TRHDE: variants seen among roughly 807,000 people sequenced by gnomAD.
The protein encoded by TRHDE is thyrotropin releasing hormone degrading enzyme, also known as thyrotropin-releasing hormone-degrading ectoenzyme.
TRHDE carries 72 observed loss-of-function variants against 125.7 expected under a neutral mutation model. The observed-to-expected ratio is 0.57, with a 90% CI of 0.47 to 0.70. The LOEUF is 0.70. TRHDE is among the 30% of genes least tolerant of loss of function. The pLI is 0.00. For synonymous variants in TRHDE, 509 were observed against 509.1 expected, an observed-to-expected ratio of 1.00 and a Z score of 0.00; for missense variants, 1,110 against 1,327.1, an observed-to-expected ratio of 0.84 and a Z score of 2.54.
chr12:72,502,094 A>AT (rs1878179991), intron 6 of TRHDE, among the ~76,000 whole-genome samples: 1 of 151,978 alleles, frequency 6.6e-6, no homozygotes. Flanking sequence ...ACATTTATAA[A>AT]TTTTATTGAT....
At chr12:72,572,444 T>C (rs1211148882) in intron 10 of TRHDE, among the ~76,000 whole-genome samples, 1 of 152,144 alleles carries the variant, frequency 6.6e-6, no homozygotes, top group Admixed American at 6.6e-5. Flanking sequence ...ATGGTACTCA[T>C]CAAATACCAT....
At chr12:72,362,287 T>A (rs1871132458) in intron 2 of TRHDE, among the ~76,000 whole-genome samples, 1 of 150,708 alleles carries the variant, frequency 6.6e-6, no homozygotes, top group African/African-American at 2.4e-5. Flanking sequence ...TCATTGTGGT[T>A]TTCATTCGCA....
chr12:72,606,953 A>G (rs1872469734), intron 12 of TRHDE, among the ~76,000 whole-genome samples: 1 of 152,190 alleles, frequency 6.6e-6, no homozygotes, highest in Admixed American at 6.5e-5. Flanking sequence ...TCCCTTTAAT[A>G]ATATCAACTA....
intron 2 of TRHDE, among the ~76,000 whole-genome samples, chr12:72,368,502 C>T (rs993617975): frequency 2.6e-5 from 4 of 152,086 alleles, no homozygotes; most frequent in African/African-American, 9.7e-5. Flanking sequence ...CGCTGAGTCA[C>T]CATCTCTTTA....
intron 2 of TRHDE, among the ~76,000 whole-genome samples, chr12:72,225,635 A>G (rs528025093): frequency 1.3e-3 from 202 of 152,206 alleles, no homozygotes; most frequent in Non-Finnish European, 1.9e-3. Flanking sequence ...TAATACGTGA[A>G]AGGTCAACTG....
intron 1 of TRHDE, among the ~76,000 whole-genome samples, chr12:72,100,739 T>A (rs542921141): frequency 6.6e-6 from 1 of 152,302 alleles, no homozygotes; most frequent in African/African-American, 2.4e-5. Flanking sequence ...CAAGACATAT[T>A]TGTGATCAGG....
At chr12:72,417,993 C>T (rs1873801284) in intron 3 of TRHDE, among the ~76,000 whole-genome samples, 1 of 151,804 alleles carries the variant, frequency 6.6e-6, no homozygotes, top group South Asian at 2.1e-4. Flanking sequence ...TTCAGATGTC[C>T]CAACTATTAT....
chr12:72,455,186 A>C (rs1345558135), intron 3 of TRHDE, among the ~76,000 whole-genome samples: 1 of 152,176 alleles, frequency 6.6e-6, no homozygotes, highest in Non-Finnish European at 1.5e-5. Flanking sequence ...AATATTTCTG[A>C]TATTTCCAAG....
intron 7 of TRHDE, among the ~76,000 whole-genome samples, chr12:72,545,990 C>T (rs540456780): frequency 6.6e-6 from 1 of 151,582 alleles, no homozygotes; most frequent in African/African-American, 2.4e-5. Context: ...GAGCCAACAT[C>T]CTCCTTGATG....
At chr12:72,521,314 T>C (rs1304781624) in intron 6 of TRHDE, among the ~76,000 whole-genome samples, 1 of 152,154 alleles carries the variant, frequency 6.6e-6, no homozygotes, top group Non-Finnish European at 1.5e-5. Context: ...CAATCCCTAT[T>C]TTACCCTATT....
intron 3 of TRHDE, among the ~76,000 whole-genome samples, chr12:72,380,423 T>G (rs886184061): frequency 6.6e-6 from 1 of 152,120 alleles, no homozygotes. Context: ...GGGCATGGGA[T>G]AGGGGCTGAG....
At chr12:72,330,946 T>G (rs1400512599) in intron 2 of TRHDE, among the ~76,000 whole-genome samples, 2 of 152,154 alleles carry the variant, frequency 1.3e-5, no homozygotes, top group African/African-American at 4.8e-5. Flanking sequence ...GGGTGGAGCG[T>G]GAGAATATGC....
chr12:72,646,771 CA>C (rs1285371562), intron 15 of TRHDE, among the ~76,000 whole-genome samples: 1 of 151,884 alleles, frequency 6.6e-6, no homozygotes, highest in African/African-American at 2.4e-5. Context: ...AGTGTCAAAC[CA>C]CTAGAAAGAT....
chr12:72,135,221 C>T (rs1875957598), intron 2 of TRHDE, among the ~76,000 whole-genome samples: 1 of 152,182 alleles, frequency 6.6e-6, no homozygotes, highest in Admixed American at 6.5e-5. Context: ...GACCAGGTCT[C>T]CATAGCCTCT....
At chr12:72,186,048 G>A (rs1007334192) in intron 2 of TRHDE, 4 of 152,368 alleles carry the variant, frequency 2.6e-5, no homozygotes, top group South Asian at 2.1e-4. Flanking sequence ...GGTGGGGCCA[G>A]ATAAGAGAAT....
chr12:72,205,569 T>A (rs1179924573), intron 2 of TRHDE, among the ~76,000 whole-genome samples: 3 of 152,200 alleles, frequency 2.0e-5, no homozygotes, highest in Non-Finnish European at 4.4e-5. Context: ...TCTATGAATT[T>A]GATTACTTTA....
intron 5 of TRHDE, among the ~76,000 whole-genome samples, chr12:72,477,463 C>G (rs770777406): frequency 6.6e-6 from 1 of 152,234 alleles, no homozygotes; most frequent in East Asian, 1.9e-4. Context: ...TCATTAGAAA[C>G]GACCTCCTCA....
intron 15 of TRHDE, among the ~76,000 whole-genome samples, chr12:72,625,538 G>A (rs1482876363): frequency 4.0e-5 from 6 of 151,848 alleles, no homozygotes; most frequent in African/African-American, 1.2e-4. Flanking sequence ...TAATACATGA[G>A]CTTCACTACT....
At chr12:72,206,430 T>G (rs1422102946) in intron 2 of TRHDE, among the ~76,000 whole-genome samples, 1 of 152,204 alleles carries the variant, frequency 6.6e-6, no homozygotes, top group Non-Finnish European at 1.5e-5. Context: ...GGATTTGAGT[T>G]AGTTGTTTAC....
Sources: gnomAD v4.1 joint callset for allele counts (sites outside exome capture counted in the v4.1 genomes callset) on GRCh38, gnomAD v4.1.1 for gene constraint, MANE v1.5 for transcripts, NCBI Gene and HGNC (gene_info 2026-07-23, HGNC 2026-07-21) for gene names.